Variants in CACNA2D3 observed in about 807,000 individuals in gnomAD.
The protein encoded by CACNA2D3 is calcium voltage-gated channel auxiliary subunit alpha2delta 3.
In CACNA2D3, 60 loss-of-function variants were observed where a neutral mutation model predicts 160.6. The observed-to-expected ratio is 0.37, with a 90% CI of 0.30 to 0.46. The LOEUF (loss-of-function observed/expected upper bound fraction) is 0.46. Among genes scored for constraint, CACNA2D3 ranks in the 20% least tolerant of loss-of-function variants. The probability of loss-of-function intolerance (pLI) is 1.00; values close to 1 mark genes in which losing one functional copy is unlikely to be tolerated. For synonymous variants in CACNA2D3, 558 were observed against 492.9 expected, an observed-to-expected ratio of 1.13 and a Z score of -1.75; for missense variants, 1,205 against 1,365.0, an observed-to-expected ratio of 0.88 and a Z score of 1.85.
chr3:54,936,163 C>CA (rs539489771), intron 27 of CACNA2D3, among the ~76,000 whole-genome samples: 9,526 of 127,834 alleles, frequency 0.075, 561 homozygotes, highest in African/African-American at 0.18. Context: ...AGAATCATAG[C>CA]AAAAAAAAAA....
At chr3:54,948,534 C>G (rs1043538134) in intron 27 of CACNA2D3, among the ~76,000 whole-genome samples, 2 of 151,286 alleles carry the variant, frequency 1.3e-5, no homozygotes, top group Non-Finnish European at 2.9e-5. Flanking sequence ...ACCATGAGCA[C>G]CTCTGCATGA....
chr3:54,367,231 T>C (rs1698841826), intron 3 of CACNA2D3, among the ~76,000 whole-genome samples: 1 of 152,152 alleles, frequency 6.6e-6, no homozygotes, highest in Non-Finnish European at 1.5e-5. Flanking sequence ...TATTTCTGTG[T>C]GCTAAATTTT....
At chr3:54,592,227 A>G (rs1272824009) in intron 9 of CACNA2D3, among the ~76,000 whole-genome samples, 4 of 152,206 alleles carry the variant, frequency 2.6e-5, no homozygotes, top group Admixed American at 2.0e-4. Context: ...GAGGATCTCC[A>G]TGAGTCTTAA....
intron 27 of CACNA2D3, among the ~76,000 whole-genome samples, chr3:54,904,504 A>G (rs1700411238): frequency 6.6e-6 from 1 of 152,204 alleles, no homozygotes; most frequent in Non-Finnish European, 1.5e-5. Context: ...ACTTCTAGAG[A>G]TGTGTAAAAT....
chr3:54,627,695 T>G, intron 9 of CACNA2D3, 92 bp from the exon 10 acceptor site: 1 of 766,702 alleles, frequency 1.3e-6, no homozygotes. Context: ...TGACAATCAT[T>G]GGTCTTGCCA....
At chr3:54,205,852 G>C (rs1180301111) in intron 2 of CACNA2D3, among the ~76,000 whole-genome samples, 7 of 152,186 alleles carry the variant, frequency 4.6e-5, no homozygotes, top group African/African-American at 1.2e-4. Context: ...AGGGTTGCCA[G>C]ATAAGATGCA....
intron 13 of CACNA2D3, among the ~76,000 whole-genome samples, chr3:54,773,545 G>A (rs1702359058): frequency 6.6e-6 from 1 of 152,180 alleles, no homozygotes; most frequent in Non-Finnish European, 1.5e-5. Flanking sequence ...AGCCTCCAGA[G>A]CCTTTAGAAA....
At chr3:54,629,414 A>G (rs936192419) in intron 10 of CACNA2D3, among the ~76,000 whole-genome samples, 1 of 152,176 alleles carries the variant, frequency 6.6e-6, no homozygotes, top group Non-Finnish European at 1.5e-5. Flanking sequence ...TCTTTTACCA[A>G]TAATACCTGT....
intron 17 of CACNA2D3, among the ~76,000 whole-genome samples, chr3:54,853,000 G>A (rs1253693788): frequency 6.6e-6 from 1 of 151,980 alleles, no homozygotes; most frequent in African/African-American, 2.4e-5. Flanking sequence ...GAAATAGCAG[G>A]TCCTTTCGTC....
At chr3:54,762,515 G>A (rs186103649) in intron 12 of CACNA2D3, among the ~76,000 whole-genome samples, 38 of 152,288 alleles carry the variant, frequency 2.5e-4, no homozygotes, top group African/African-American at 8.7e-4. Flanking sequence ...CAGGCCCCAG[G>A]GGGGGCAGGG....
intron 11 of CACNA2D3, among the ~76,000 whole-genome samples, chr3:54,719,149 G>T (rs1701120549): frequency 7.0e-6 from 1 of 142,950 alleles, no homozygotes; most frequent in African/African-American, 2.6e-5. Context: ...TTCTTACCAA[G>T]TTGCACTGGA....
At chr3:54,880,073 T>G (rs1699756876) in intron 20 of CACNA2D3, among the ~76,000 whole-genome samples, 1 of 152,256 alleles carries the variant, frequency 6.6e-6, no homozygotes, top group African/African-American at 2.4e-5. Context: ...GTTTACTGAC[T>G]GTAGAATAAT....
intron 35 of CACNA2D3, among the ~76,000 whole-genome samples, chr3:55,070,979 T>A (rs1302884099): frequency 6.6e-6 from 1 of 152,190 alleles, no homozygotes; most frequent in Non-Finnish European, 1.5e-5. Flanking sequence ...TCCATATTTT[T>A]AACAGATCAT....
intron 3 of CACNA2D3, among the ~76,000 whole-genome samples, chr3:54,368,693 CTTTTTTTTTTTTTT>C (rs33976949): frequency 4.2e-5 from 3 of 71,504 alleles, no homozygotes; most frequent in African/African-American, 1.4e-4. Flanking sequence ...GGGTAGGGTT[CTTTTTTTTTTTTTT>C]TTTTTTTTTT....
At chr3:54,250,554 C>G (rs56386632) in intron 2 of CACNA2D3, among the ~76,000 whole-genome samples, 3,515 of 152,122 alleles carry the variant, frequency 0.023, 137 homozygotes, top group African/African-American at 0.08. Flanking sequence ...TCACCTCACC[C>G]TCCCATGTAG....
chr3:54,406,232 G>C (rs1314904290), intron 4 of CACNA2D3, among the ~76,000 whole-genome samples: 1 of 152,050 alleles, frequency 6.6e-6, no homozygotes, highest in African/African-American at 2.4e-5. Context: ...ACCTCAGAAA[G>C]ATACCTGCAG....
intron 3 of CACNA2D3, among the ~76,000 whole-genome samples, chr3:54,327,899 A>G (rs1265788543): frequency 6.6e-6 from 1 of 152,222 alleles, no homozygotes; most frequent in Non-Finnish European, 1.5e-5. Flanking sequence ...AAAAGATTAC[A>G]TGTTGTGGAC....
intron 3 of CACNA2D3, among the ~76,000 whole-genome samples, chr3:54,369,164 TTTCG>T (rs1388264567): frequency 6.6e-6 from 1 of 151,806 alleles, no homozygotes; most frequent in African/African-American, 2.4e-5. Flanking sequence ...AGTTGTTGAG[TTTCG>T]TTTGTTTGTT....
chr3:54,821,813 A>G (rs554116989), intron 14 of CACNA2D3, among the ~76,000 whole-genome samples: 65 of 151,428 alleles, frequency 4.3e-4, no homozygotes, highest in African/African-American at 1.5e-3. Flanking sequence ...TCTCAGGGTA[A>G]TCAGATTTCA....
Sources: allele counts gnomAD v4.1 joint callset (sites outside exome capture counted in the v4.1 genomes callset), GRCh38; gene constraint gnomAD v4.1.1; transcripts MANE v1.5; gene names NCBI Gene and HGNC (gene_info 2026-07-23, HGNC 2026-07-21).